The following PIKFYVE variants were observed in gnomAD, a reference collection of about 807,000 sequenced individuals.
The protein encoded by PIKFYVE is 1-phosphatidylinositol 3-phosphate 5-kinase.
In PIKFYVE, 122 loss-of-function variants were observed where a neutral mutation model predicts 257.9. The observed-to-expected ratio is 0.47, with a 90% CI of 0.41 to 0.55. The LOEUF (loss-of-function observed/expected upper bound fraction) is 0.55, where lower values mean the gene tolerates loss of function less well. Ranked by LOEUF, PIKFYVE falls within the 20% of genes least tolerant of loss-of-function variation. The probability of loss-of-function intolerance (pLI) is 0.00; values close to 1 mark genes in which losing one functional copy is unlikely to be tolerated. For missense variants in PIKFYVE, 2,160 were observed against 2,536.6 expected, an observed-to-expected ratio of 0.85 and a Z score of 3.19; for synonymous variants, 892 against 868.9, an observed-to-expected ratio of 1.03 and a Z score of -0.47.
At chr2:208,319,536 A>ATATC in intron 16 of PIKFYVE, among the ~76,000 whole-genome samples, 1 of 152,324 alleles carries the variant, frequency 6.6e-6, no homozygotes, top group East Asian at 1.9e-4. Context: ...GATTAGAGAT[A>ATATC]GTCCTTGATT....
Position 208,272,062 on chromosome 2 carries a change from G to A in PIKFYVE, c.172+371G>A, listed in dbSNP as rs539112553. Among the ~76,000 whole-genome samples the A allele has an allele frequency of 2.6e-5, 4 of 151,992 alleles. 1 individual carries two copies. In the East Asian group the frequency reaches 5.8e-4, roughly 22 times the overall value. On this transcript the variant is annotated intron_variant, in intron 2 of 41. Coordinates refer to ENST00000264380, the MANE Select transcript of PIKFYVE (RefSeq NM_015040.4). ...ATCCTGGCTAACACGGTGAAATCCC[G>A]TCTCTACTAAAAATACAAAAAAATT...
chr2:208,296,958 G>A (rs1439885732), intron 7 of PIKFYVE, among the ~76,000 whole-genome samples: 1 of 152,148 alleles, frequency 6.6e-6, no homozygotes. Flanking sequence ...AAATGCAGCC[G>A]AGGGATGTGG....
At chr2:208,311,254 G>A (rs1390210817) in intron 12 of PIKFYVE, among the ~76,000 whole-genome samples, 1 of 152,138 alleles carries the variant, frequency 6.6e-6, no homozygotes, top group Non-Finnish European at 1.5e-5. Context: ...ACTCATTCCT[G>A]TGAGGGAAGA....
At chr2:208,350,621 G>T in intron 36 of PIKFYVE, 150 bp from the exon 37 acceptor site, 1 of 779,594 alleles carries the variant, frequency 1.3e-6, no homozygotes, top group South Asian at 1.6e-5. Flanking sequence ...ACAAAATTGT[G>T]ATAAATAGGG....
intron 10 of PIKFYVE, 99 bp from the exon 11 acceptor site, chr2:208,304,072 T>C: frequency 2.2e-6 from 3 of 1,386,038 alleles, no homozygotes; most frequent in Admixed American, 1.7e-5. Flanking sequence ...AATTGTTAGG[T>C]TCATAGAAAT....
Position 208,326,064 on chromosome 2 carries a change from G to T in PIKFYVE, c.3253G>T (p.Val1085Phe). Residue 1085 changes from valine to phenylalanine, a missense_variant, in exon 20 of 42, where the codon GTT (valine) becomes TTT (phenylalanine). This residue lies in a region of PIKFYVE where 522 missense variants were observed against 514.6 expected (regional missense o/e 1.01). Transcript: ENST00000264380. ...TACCCGAGATTATTTTGCAGAGCAG[G>T]TTTACTGGTCTCCTCTCCTCAATAA... Reference protein sequence around the residue: ...CSTRDYFAEQVYWSPLLNKEF... With the variant: ...CSTRDYFAEQFYWSPLLNKEF... 1 of 1,614,142 alleles carries T rather than the reference G, an allele frequency of 6.2e-7. No individual in the cohort carries two copies. Among genetic ancestry groups the T allele is most frequent in the Non-Finnish European group, 8.5e-7 (1 of 1,180,018 alleles).
intron 7 of PIKFYVE, 27 bp downstream of exon 7, chr2:208,288,845 C>T (rs778363448): frequency 2.0e-5 from 32 of 1,610,612 alleles, no homozygotes; most frequent in Non-Finnish European, 2.7e-5. Context: ...AAACACTGTG[C>T]TCTCTGATGT....
chr2:208,331,134 C>G (rs186742874), intron 23 of PIKFYVE, among the ~76,000 whole-genome samples: 2 of 152,118 alleles, frequency 1.3e-5, no homozygotes, highest in East Asian at 3.9e-4. Flanking sequence ...TAAATTCGAG[C>G]CTATGTGAGC....
intron 20 of PIKFYVE, among the ~76,000 whole-genome samples, chr2:208,327,359 A>C (rs1697047510): frequency 6.6e-6 from 1 of 152,200 alleles, no homozygotes; most frequent in Non-Finnish European, 1.5e-5. Context: ...TCTATCCTGC[A>C]GAAATAATTA....
intron 22 of PIKFYVE, 124 bp downstream of exon 22, chr2:208,330,037 A>G (rs1361786993): frequency 3.2e-6 from 4 of 1,261,412 alleles, no homozygotes; most frequent in Admixed American, 2.4e-5. Flanking sequence ...CATAGTGCAT[A>G]TCAGAGTATA....
At chr2:208,299,913 A>G (rs1010823389) in intron 8 of PIKFYVE, among the ~76,000 whole-genome samples, 2 of 152,090 alleles carry the variant, frequency 1.3e-5, no homozygotes, top group Non-Finnish European at 2.9e-5. Context: ...GCTACTTGGG[A>G]GGCTAGGGTG....
intron 39 of PIKFYVE, 100 bp from the exon 40 acceptor site, chr2:208,353,798 A>AGT: frequency 1.5e-6 from 2 of 1,363,004 alleles, no homozygotes; most frequent in Non-Finnish European, 2.1e-6. Flanking sequence ...GTGTAATGGT[A>AGT]GTGACTATAA....
chr2:208,297,464 A>G (rs1693123926), intron 7 of PIKFYVE, among the ~76,000 whole-genome samples: 2 of 152,190 alleles, frequency 1.3e-5, no homozygotes, highest in Admixed American at 1.3e-4. Context: ...ACTTTCTTAA[A>G]TTATTTAAAA....
Position 208,352,683 on chromosome 2 carries a change from A to G in PIKFYVE, c.5745A>G (p.Gly1915=), listed in dbSNP as rs751740815. 15 of 1,613,664 alleles carry G rather than the reference A, an allele frequency of 9.3e-6. No individual in the cohort carries two copies. Among genetic ancestry groups the G allele is most frequent in the Admixed American group, 1.7e-5 (1 of 59,988 alleles). ...CCACGGCGTTGGCCAAAATTCTTGGAGTTTACAGAATTGGTTATAAGAACT... is the reference window on the plus strand; with the variant it reads ...CCACGGCGTTGGCCAAAATTCTTGGGGTTTACAGAATTGGTTATAAGAACT... The part of the protein sequence containing the change: ...KRPTALAKIL[G]VYRIGYKNSQ... The change falls in exon 39 of 42, where the codon GGA becomes GGG. Residue 1915 remains glycine, a synonymous_variant. Coordinates refer to ENST00000264380, the MANE Select transcript of PIKFYVE (RefSeq NM_015040.4).
intron 13 of PIKFYVE, 122 bp from the exon 14 acceptor site, chr2:208,314,172 C>T: frequency 2.2e-5 from 24 of 1,103,204 alleles, no homozygotes; most frequent in South Asian, 1.1e-4. Context: ...CTTTTTACAC[C>T]AATAATTTAT....
intron 12 of PIKFYVE, among the ~76,000 whole-genome samples, chr2:208,309,446 T>A (rs944942922): frequency 6.6e-6 from 1 of 152,186 alleles, no homozygotes; most frequent in African/African-American, 2.4e-5. Flanking sequence ...TCCCTGGCAC[T>A]CCCTAGGGCA....
rs751175564 is a variant in PIKFYVE at position 208,335,371 on chromosome 2, C to A, written c.4208C>A (p.Ala1403Asp). The A allele has an allele frequency of 6.2e-7, 1 of 1,612,772 alleles. No individual in the cohort carries two copies. Among genetic ancestry groups the A allele is most frequent in the Non-Finnish European group, 8.5e-7 (1 of 1,178,930 alleles). The change falls in exon 25 of 42, where the codon GCC (alanine) becomes GAC (aspartate). Residue 1403 changes from alanine (A) to aspartate (D), a missense_variant. Around this residue, in one of 12 missense-constraint regions of PIKFYVE, gnomAD observed 699 missense variants for 855.8 expected, o/e 0.82. Transcript: ENST00000264380. ...PLPKIFIKRQ[A>D]PLKVSLLQDL... ...CCCAAAATATTCATTAAGCGTCAGG[C>A]CCCATTAAAAGTGTCCCTTCTTCAG...
chr2:208,322,554 T>A (rs1044809066), intron 17 of PIKFYVE, among the ~76,000 whole-genome samples: 13 of 151,958 alleles, frequency 8.6e-5, no homozygotes, highest in Admixed American at 7.9e-4. Flanking sequence ...GAATTTCTCC[T>A]GAAACTCTTG....
chr2:208,267,668 G>T (rs1052510097), intron 1 of PIKFYVE, among the ~76,000 whole-genome samples: 4 of 151,878 alleles, frequency 2.6e-5, no homozygotes, highest in Admixed American at 2.6e-4. Context: ...CACCACACTC[G>T]GCTAATTTTT....
Sources: allele counts gnomAD v4.1 joint callset (sites outside exome capture counted in the v4.1 genomes callset), GRCh38; gene constraint gnomAD v4.1.1; regional missense constraint gnomAD v4.1.1; transcripts MANE v1.5; gene names NCBI Gene and HGNC (gene_info 2026-07-23, HGNC 2026-07-21).